Variants in ASCC3 observed in about 807,000 individuals in gnomAD.
ASCC3 encodes activating signal cointegrator 1 complex subunit 3, also known as ASC-1 complex subunit P200.
In ASCC3, 158 loss-of-function variants were observed where a neutral mutation model predicts 256.3. The ratio of observed to expected loss-of-function variants is 0.62; its 90% CI spans 0.54 to 0.70. The LOEUF is 0.70. ASCC3 is among the 30% of genes least tolerant of loss of function. The pLI is 0.00. For missense variants in ASCC3, 2,259 were observed against 2,626.0 expected (o/e 0.86, Z 3.05); for synonymous variants, 948 against 883.4 (o/e 1.07, Z -1.30).
intron 20 of ASCC3, 151 bp downstream of exon 20, chr6:100,650,387 A>G: frequency 1.3e-6 from 1 of 789,746 alleles, no homozygotes; most frequent in Non-Finnish European, 2.0e-6. Flanking sequence ...ATTACATAAA[A>G]TATTTACAAA....
At chr6:100,661,068 A>G (rs1274026893) in intron 16 of ASCC3, among the ~76,000 whole-genome samples, 2 of 151,768 alleles carry the variant, frequency 1.3e-5, no homozygotes, top group Non-Finnish European at 3.0e-5. Context: ...CAAATATTTC[A>G]AAGTATTCAT....
intron 34 of ASCC3, among the ~76,000 whole-genome samples, chr6:100,592,093 A>G (rs1325504953): frequency 2.6e-5 from 4 of 151,736 alleles, no homozygotes; most frequent in African/African-American, 4.8e-5. Context: ...TCATCCAGAT[A>G]AAATATAGTC....
intron 36 of ASCC3, among the ~76,000 whole-genome samples, chr6:100,541,684 G>A (rs935048697): frequency 6.6e-6 from 1 of 152,104 alleles, no homozygotes; most frequent in Non-Finnish European, 1.5e-5. Flanking sequence ...ACTCAAGAAG[G>A]TGAAATTCAC....
chr6:100,745,102 G>A (rs1307550491), intron 10 of ASCC3, among the ~76,000 whole-genome samples: 2 of 152,214 alleles, frequency 1.3e-5, no homozygotes. Flanking sequence ...GCCGAGGCAG[G>A]CGGATCACAA....
intron 36 of ASCC3, among the ~76,000 whole-genome samples, chr6:100,557,900 C>T (rs1238203227): frequency 6.6e-6 from 1 of 151,322 alleles, no homozygotes; most frequent in African/African-American, 2.4e-5. Flanking sequence ...GATCACCCCC[C>T]CCAAAAAAAT....
intron 8 of ASCC3, among the ~76,000 whole-genome samples, chr6:100,779,767 G>A (rs1384483059): frequency 6.6e-6 from 1 of 152,172 alleles, no homozygotes; most frequent in African/African-American, 2.4e-5. Context: ...ACTAGGGCAA[G>A]TATCTTTATC....
At chr6:100,581,547 G>C (rs1163859773) in intron 36 of ASCC3, among the ~76,000 whole-genome samples, 11 of 151,078 alleles carry the variant, frequency 7.3e-5, no homozygotes, top group Admixed American at 2.6e-4. Context: ...TGTTCACTCT[G>C]ATGGTAGTTT....
At chr6:100,660,081 A>G (rs930149485) in intron 16 of ASCC3, among the ~76,000 whole-genome samples, 4 of 151,524 alleles carry the variant, frequency 2.6e-5, no homozygotes, top group African/African-American at 9.7e-5. Flanking sequence ...ATTTTGGAAA[A>G]TGTTTTTAAT....
chr6:100,637,260 GCTCTATAA>G (rs1200927391), intron 25 of ASCC3, among the ~76,000 whole-genome samples: 2 of 152,122 alleles, frequency 1.3e-5, no homozygotes, highest in Non-Finnish European at 2.9e-5. Context: ...CTCTGCCTGT[GCTCTATAA>G]ATGGAACAAC....
chr6:100,836,743 A>G (rs1254351089), intron 4 of ASCC3, among the ~76,000 whole-genome samples: 2 of 152,202 alleles, frequency 1.3e-5, no homozygotes, highest in East Asian at 3.9e-4. Flanking sequence ...GTATCAGGAT[A>G]GTGCTTAGCC....
Position 100,635,341 on chromosome 6 carries a change from G to T in ASCC3, c.4122+3260C>A, listed in dbSNP as rs138380312. Among the ~76,000 whole-genome samples the T allele has an allele frequency of 1.1e-4, 16 of 152,130 alleles. No homozygotes were observed. In the East Asian group the frequency reaches 2.9e-3, roughly 27 times the overall value. On this transcript the variant is annotated intron_variant, in intron 25 of 41. Transcript: ENST00000369162. ...TGTTAAGTGAAATACGCCAGACATA[G>T]AAAGAAAAATACTGCATAACTTCAC...
At chr6:100,779,311 T>G (rs1782339309) in intron 8 of ASCC3, among the ~76,000 whole-genome samples, 1 of 152,192 alleles carries the variant, frequency 6.6e-6, no homozygotes, top group African/African-American at 2.4e-5. Flanking sequence ...GAAGTTGGTC[T>G]CAAACTCCTA....
At chr6:100,606,506 T>C (rs566326657) in intron 32 of ASCC3, among the ~76,000 whole-genome samples, 1 of 152,150 alleles carries the variant, frequency 6.6e-6, no homozygotes, top group African/African-American at 2.4e-5. Flanking sequence ...TAATAACAAG[T>C]ACTTTAAGCC....
chr6:100,706,381 T>C (rs905201150), intron 13 of ASCC3, among the ~76,000 whole-genome samples: 3 of 150,998 alleles, frequency 2.0e-5, no homozygotes, highest in African/African-American at 7.3e-5. Flanking sequence ...GGGAAGTTCT[T>C]TGTTGACCTT....
At chr6:100,519,807 T>C (rs1486030026) in intron 37 of ASCC3, among the ~76,000 whole-genome samples, 1 of 152,172 alleles carries the variant, frequency 6.6e-6, no homozygotes, top group African/African-American at 2.4e-5. Context: ...AAAGATTTCA[T>C]AAAACTTATG....
At position 100,615,001 on chromosome 6, in the gene ASCC3, AT is replaced by A. The variant is rs1169677657; in HGVS notation, c.4786-7914del. The stretch of plus-strand genomic sequence containing the variant: ...TTTGATATTTCAGCTACTAATTTTT[AT>A]TTTTTTTTTCCTTTTCTTAAAAAAA... On this transcript the variant is annotated intron_variant, in intron 30 of 41. Coordinates refer to ENST00000369162, the MANE Select transcript of ASCC3 (RefSeq NM_006828.4). 5.4e-3 allele frequency among the ~76,000 whole-genome samples: 809 copies of A among 148,854 alleles called. 6 individuals are homozygous for A. The highest frequency in any genetic ancestry group is 0.019 in the African/African-American group (774 of 40,574).
At chr6:100,557,247 T>C (rs183977983) in intron 36 of ASCC3, among the ~76,000 whole-genome samples, 123 of 152,306 alleles carry the variant, frequency 8.1e-4, no homozygotes, top group Admixed American at 1.6e-3. Context: ...GTTAGGTCAC[T>C]GATTTGAGAT....
In ASCC3 at chr6:100,679,637, T is replaced by A; in HGVS notation, c.2267A>T (p.Tyr756Phe). Residue 756 changes from tyrosine to phenylalanine, a missense_variant, in exon 14 of 42, where the codon TAT becomes TTT. Physicochemically the swap from Tyr to Phe is conservative, Grantham distance 22 (BLOSUM62 3). Transcript: ENST00000369162. The stretch of plus-strand genomic sequence containing the variant: ...TCTTACCTGTTTTTCTGCAAGTACA[T>A]AGTCATGTCCTTGGGTAGGAAAAAA... The part of the protein sequence containing the change: ...PFFFPTQGHD[Y>F]VLAEKQVQRS... 6.2e-7 allele frequency: 1 copy of A among 1,613,630 alleles called. No individual in the cohort carries two copies. The highest frequency in any genetic ancestry group is 8.5e-7 in the Non-Finnish European group (1 of 1,179,702).
At chr6:100,634,864 C>CAAAAAA (rs199632200) in intron 25 of ASCC3, among the ~76,000 whole-genome samples, 123 of 119,240 alleles carry the variant, frequency 1.0e-3, no homozygotes, top group African/African-American at 2.4e-3. Context: ...CCTCAAAAAA[C>CAAAAAA]AAAAAAAAAA....
Sources: gnomAD v4.1 joint callset for allele counts (sites outside exome capture counted in the v4.1 genomes callset) on GRCh38, gnomAD v4.1.1 for gene constraint, MANE v1.5 for transcripts, NCBI Gene and HGNC (gene_info 2026-07-23, HGNC 2026-07-21) for gene names.